AUH: variants seen among roughly 807,000 people sequenced by gnomAD.
AUH encodes the protein methylglutaconyl-CoA hydratase, mitochondrial.
A neutral mutation model predicts 42.3 loss-of-function variants in AUH; 29 were observed. The observed-to-expected ratio is 0.69, with a 90% confidence interval of 0.51 to 0.93. The LOEUF (loss-of-function observed/expected upper bound fraction) is 0.93, where lower values mean the gene tolerates loss of function less well. Ranked by LOEUF, AUH falls within the 40% of genes least tolerant of loss-of-function variation. The pLI is 0.00. For missense variants in AUH, 452 were observed against 438.1 expected, an observed-to-expected ratio of 1.03 and a Z score of -0.28; for synonymous variants, 174 against 166.4, an observed-to-expected ratio of 1.05 and a Z score of -0.35.
chr9:91,355,754 G>C, intron 3 of AUH, 129 bp downstream of exon 3: 1 of 796,414 alleles, frequency 1.3e-6, no homozygotes, highest in South Asian at 1.6e-5. Context: ...TTGTGAATCA[G>C]TAAAACACAG....
intron 6 of AUH, among the ~76,000 whole-genome samples, chr9:91,241,378 T>G (rs1332240514): frequency 6.6e-6 from 1 of 152,150 alleles, no homozygotes; most frequent in Non-Finnish European, 1.5e-5. Context: ...CCTAGTTATT[T>G]ATATAGACAA....
intron 6 of AUH, among the ~76,000 whole-genome samples, chr9:91,252,649 G>A (rs912408118): frequency 6.6e-6 from 1 of 152,174 alleles, no homozygotes; most frequent in African/African-American, 2.4e-5. Flanking sequence ...GATTACCAAA[G>A]AGGCAAGATA....
In AUH at chr9:91,298,089, G is replaced by A; in HGVS notation, c.506-13C>T. ...ACTGGAAGATTAGCTGAAATGGAAA[G>A]AAAATTTTATGCTTCCTTAATAAGA... is the stretch of plus-strand genomic sequence containing the variant. On this transcript the variant is annotated splice_polypyrimidine_tract_variant and intron_variant, in intron 4 of 9. Transcript: ENST00000375731. 3 of 1,593,764 alleles carry A rather than the reference G, an allele frequency of 1.9e-6. No homozygotes were observed. Among genetic ancestry groups the A allele is most frequent in the Non-Finnish European group, 2.6e-6 (3 of 1,161,728 alleles).
intron 6 of AUH, among the ~76,000 whole-genome samples, chr9:91,292,963 C>T (rs930064865): frequency 2.0e-5 from 3 of 152,122 alleles, no homozygotes; most frequent in African/African-American, 7.2e-5. Flanking sequence ...ATATTTCAAA[C>T]CTTTTCATTA....
chr9:91,215,359 T>C lies in AUH; in HGVS notation c.942+700A>G, dbSNP rs116259671. On this transcript the variant is annotated intron_variant, in intron 9 of 9. Coordinates refer to ENST00000375731, the MANE Select transcript of AUH (RefSeq NM_001698.3). Reference sequence around the variant, plus strand: ...TCAAGTCCCTTATATATTAATAAAATTGCATATCATATTACCTACGCACAT... The same window carrying C: ...TCAAGTCCCTTATATATTAATAAAACTGCATATCATATTACCTACGCACAT... Among the ~76,000 whole-genome samples the C allele has an allele frequency of 3.7e-3, 568 of 152,240 alleles. 4 individuals are homozygous for C. The highest frequency in any genetic ancestry group is 0.013 in the African/African-American group (536 of 41,524).
intron 3 of AUH, among the ~76,000 whole-genome samples, chr9:91,340,732 C>T (rs533928844): frequency 6.6e-6 from 1 of 152,322 alleles, no homozygotes; most frequent in Non-Finnish European, 1.5e-5. Context: ...GGCCAAGCCT[C>T]TCCAGCTTCT....
At chr9:91,291,808 A>G (rs1158835104) in intron 6 of AUH, among the ~76,000 whole-genome samples, 1 of 151,706 alleles carries the variant, frequency 6.6e-6, no homozygotes, top group African/African-American at 2.4e-5. Flanking sequence ...TAATATTTAC[A>G]TTGTTACTGT....
chr9:91,235,501 A>C (rs1587660909), intron 6 of AUH, among the ~76,000 whole-genome samples: 1 of 152,174 alleles, frequency 6.6e-6, no homozygotes, highest in East Asian at 1.9e-4. Flanking sequence ...TACACATAAG[A>C]GTGGAGCAGT....
intron 4 of AUH, among the ~76,000 whole-genome samples, chr9:91,306,659 AT>A (rs11302811): frequency 0.22 from 32,764 of 152,110 alleles, 3,727 homozygotes; most frequent in East Asian, 0.34. Flanking sequence ...CACAATGCAC[AT>A]TTTTAACCCA....
intron 6 of AUH, among the ~76,000 whole-genome samples, chr9:91,288,251 A>C (rs1031795197): frequency 1.3e-5 from 2 of 152,186 alleles, no homozygotes; most frequent in African/African-American, 4.8e-5. Flanking sequence ...TTTCTCTGTA[A>C]ATTTAAAGAG....
At chr9:91,287,789 T>C (rs1220800790) in intron 6 of AUH, among the ~76,000 whole-genome samples, 1 of 152,074 alleles carries the variant, frequency 6.6e-6, no homozygotes, top group African/African-American at 2.4e-5. Flanking sequence ...GAATCATATA[T>C]TAAATAATAT....
intron 6 of AUH, among the ~76,000 whole-genome samples, chr9:91,259,719 C>T (rs1226618048): frequency 6.6e-6 from 1 of 152,048 alleles, no homozygotes; most frequent in Non-Finnish European, 1.5e-5. Flanking sequence ...CTTTTATTTT[C>T]CAATTATCTG....
chr9:91,217,156 G>C, intron 8 of AUH, 121 bp downstream of exon 8: 2 of 1,013,022 alleles, frequency 2.0e-6, no homozygotes, highest in Non-Finnish European at 3.0e-6. Flanking sequence ...TTCAGTAATA[G>C]TAGCATTTAA....
chr9:91,250,368 C>T (rs998880676), intron 6 of AUH, among the ~76,000 whole-genome samples: 1 of 152,256 alleles, frequency 6.6e-6, no homozygotes, highest in Non-Finnish European at 1.5e-5. Flanking sequence ...CACTGTATCA[C>T]TCAGCAAACA....
chr9:91,336,939 A>G (rs999916518), intron 3 of AUH, among the ~76,000 whole-genome samples: 1 of 152,208 alleles, frequency 6.6e-6, no homozygotes, highest in Non-Finnish European at 1.5e-5. Flanking sequence ...CATCAGTCAG[A>G]ATGATCAAGC....
chr9:91,357,285 A>G (rs1463949589), intron 1 of AUH, among the ~76,000 whole-genome samples: 2 of 152,212 alleles, frequency 1.3e-5, no homozygotes, highest in African/African-American at 2.4e-5. Flanking sequence ...AGAGGTGGGC[A>G]CTACTTTTAT....
At chr9:91,298,881 G>C (rs1300355909) in intron 4 of AUH, among the ~76,000 whole-genome samples, 3 of 152,226 alleles carry the variant, frequency 2.0e-5, no homozygotes, top group Non-Finnish European at 4.4e-5. Context: ...GGAATGTGAA[G>C]CAAGGCTGGC....
chr9:91,273,071 C>G (rs1442863672), intron 6 of AUH, among the ~76,000 whole-genome samples: 1 of 152,084 alleles, frequency 6.6e-6, no homozygotes, highest in Non-Finnish European at 1.5e-5. Context: ...TTTGGGTGGC[C>G]CCCGAAACTA....
Position 91,325,322 on chromosome 9 carries a change from A to G in AUH, c.501T>C (p.Asp167=). ...FVSKIRAVIN[D]IANLPVPTIA... ...GAAGAACTTAATAGTGCTTACCAAT[A>G]TCGTTAATCACTGCTCTTATTTTGG... is the stretch of plus-strand genomic sequence containing the variant. Residue 167 remains aspartate (D), a synonymous_variant, in exon 4 of 10, where the codon GAT becomes GAC. Coordinates refer to ENST00000375731, the MANE Select transcript of AUH (RefSeq NM_001698.3). The G allele has an allele frequency of 6.2e-7, 1 of 1,613,452 alleles. No individual in the cohort carries two copies. Among genetic ancestry groups the G allele is most frequent in the Non-Finnish European group, 8.5e-7 (1 of 1,179,498 alleles).
Sources: gnomAD v4.1 joint callset for allele counts (sites outside exome capture counted in the v4.1 genomes callset) on GRCh38, gnomAD v4.1.1 for gene constraint, MANE v1.5 for transcripts, NCBI Gene and HGNC (gene_info 2026-07-23, HGNC 2026-07-21) for gene names.